XXYLT1: variants seen among roughly 807,000 people sequenced by gnomAD.
The protein encoded by XXYLT1 is xyloside xylosyltransferase 1.
XXYLT1 carries 20 observed loss-of-function variants against 28.9 expected under a neutral mutation model. The ratio of observed to expected loss-of-function variants is 0.69; its 90% CI spans 0.49 to 1.00. The LOEUF (loss-of-function observed/expected upper bound fraction) is 1.00, where lower values mean the gene tolerates loss of function less well. Among genes scored for constraint, XXYLT1 ranks in the 50% least tolerant of loss-of-function variants. The pLI is 0.00. For synonymous variants in XXYLT1, 257 were observed against 253.8 expected (o/e 1.01, Z -0.12); for missense variants, 542 against 560.1 (o/e 0.97, Z 0.33).
At chr3:195,093,870 C>G (rs1472431242) in intron 3 of XXYLT1, 1 of 152,262 alleles carries the variant, frequency 6.6e-6, no homozygotes, top group Non-Finnish European at 1.5e-5. Context: ...GGGTGCAGAA[C>G]TGCCCACTGG....
intron 1 of XXYLT1, among the ~76,000 whole-genome samples, chr3:195,264,105 C>T (rs1725770803): frequency 6.6e-6 from 1 of 152,176 alleles, no homozygotes; most frequent in Non-Finnish European, 1.5e-5. Flanking sequence ...GGGAGGCAAG[C>T]AGCTGCCAGA....
Position 195,249,705 on chromosome 3 carries a change from C to T in XXYLT1, c.504+20850G>A, listed in dbSNP as rs572402123. 3.3e-5 allele frequency among the ~76,000 whole-genome samples: 5 copies of T among 152,334 alleles called. No individual in the cohort carries two copies. In the South Asian group the frequency reaches 1.0e-3, roughly 32 times the overall value. Reference sequence around the variant, plus strand: ...CTCGCTTCACTTGTCCTATTTGACTCCTTCATTAAGGGGCACAGCTCCCAC... The same window carrying T: ...CTCGCTTCACTTGTCCTATTTGACTTCTTCATTAAGGGGCACAGCTCCCAC... On this transcript the variant is annotated intron_variant, in intron 1 of 3. Coordinates refer to ENST00000310380, the MANE Select transcript of XXYLT1 (RefSeq NM_152531.5).
chr3:195,126,246 C>T (rs1257067968), intron 3 of XXYLT1, among the ~76,000 whole-genome samples: 1 of 152,164 alleles, frequency 6.6e-6, no homozygotes, highest in Non-Finnish European at 1.5e-5. Context: ...GCTGCCAGAC[C>T]CAGGCCTGCG....
rs5855622 is a variant in XXYLT1, at chr3:195,150,170, C to CT, written c.785+6278_785+6279insA. ...GCCACCACCACCCAGGAGTGCTGCT[C>CT]GTGCTAGGCACCATAAATACATTAT... On this transcript the variant is annotated intron_variant, in intron 3 of 3. Coordinates refer to ENST00000310380, the MANE Select transcript of XXYLT1 (RefSeq NM_152531.5). This position sits in a 1 kb window ranked among gnomAD's most constrained non-coding sequence, Gnocchi z 4.7. 0.25 allele frequency among the ~76,000 whole-genome samples: 38,274 copies of CT among 152,070 alleles called. 5,618 individuals are homozygous for CT. The highest frequency in any genetic ancestry group is 0.57 in the East Asian group (2,925 of 5,166).
chr3:195,122,525 T>A (rs1462602470), intron 3 of XXYLT1, among the ~76,000 whole-genome samples: 2 of 151,970 alleles, frequency 1.3e-5, no homozygotes, highest in Non-Finnish European at 2.9e-5. Context: ...AGCTGAGAAG[T>A]CCAGCTGGAA....
chr3:195,217,996 C>T (rs796955742), intron 2 of XXYLT1, among the ~76,000 whole-genome samples: 2,666 of 137,654 alleles, frequency 0.019, 43 homozygotes, highest in African/African-American at 0.071. Context: ...ACAGAGCCCT[C>T]AGAAATAACG....
At chr3:195,242,362 A>G (rs1344370468) in intron 1 of XXYLT1, among the ~76,000 whole-genome samples, 2 of 152,150 alleles carry the variant, frequency 1.3e-5, no homozygotes, top group Non-Finnish European at 2.9e-5. Flanking sequence ...CCGGGCTACA[A>G]TCACTCTCTT....
At chr3:195,097,385 C>T (rs1477850976) in intron 3 of XXYLT1, among the ~76,000 whole-genome samples, 1 of 152,182 alleles carries the variant, frequency 6.6e-6, no homozygotes, top group Admixed American at 6.5e-5. Context: ...CGTATCAACA[C>T]GTATCTAGCA....
intron 1 of XXYLT1, among the ~76,000 whole-genome samples, chr3:195,251,953 G>T (rs962708929): frequency 6.6e-6 from 1 of 152,136 alleles, no homozygotes; most frequent in African/African-American, 2.4e-5. Context: ...ACAAAACAGG[G>T]GAACCACCCG....
chr3:195,191,566 G>A (rs188596835), intron 2 of XXYLT1, among the ~76,000 whole-genome samples: 1 of 152,226 alleles, frequency 6.6e-6, no homozygotes, highest in Admixed American at 6.5e-5. Flanking sequence ...AGTTATGGGG[G>A]GTTGGCACCC....
At chr3:195,259,413 C>G (rs943522949) in intron 1 of XXYLT1, among the ~76,000 whole-genome samples, 2 of 152,190 alleles carry the variant, frequency 1.3e-5, no homozygotes, top group Admixed American at 6.5e-5. Context: ...TTGTCTTCCA[C>G]AACCCACACG....
intron 2 of XXYLT1, among the ~76,000 whole-genome samples, chr3:195,201,930 G>A (rs1191200069): frequency 6.6e-6 from 1 of 152,172 alleles, no homozygotes; most frequent in African/African-American, 2.4e-5. Flanking sequence ...TGTAATCTCA[G>A]CACTTTGGGA....
At chr3:195,187,690 T>C (rs748988224) in intron 2 of XXYLT1, among the ~76,000 whole-genome samples, 12 of 152,186 alleles carry the variant, frequency 7.9e-5, no homozygotes, top group Non-Finnish European at 1.6e-4. Flanking sequence ...AGAGTCCCAG[T>C]TGATTGAAAC....
At chr3:195,205,629 G>A (rs533237620) in intron 2 of XXYLT1, among the ~76,000 whole-genome samples, 7 of 152,310 alleles carry the variant, frequency 4.6e-5, no homozygotes, top group South Asian at 4.1e-4. Flanking sequence ...GTGGGAGGCC[G>A]AGGCGGGTGA....
At position 195,076,984 on chromosome 3, in the gene XXYLT1, C is replaced by G. The variant is rs571806365; in HGVS notation, c.786-6873G>C. Among the ~76,000 whole-genome samples, 6 of 152,196 alleles carry G rather than the reference C, an allele frequency of 3.9e-5. No homozygotes were observed. The highest frequency in any genetic ancestry group is 7.3e-5 in the Non-Finnish European group (5 of 68,040). ...TTCTGCAGAGGAATTCTGAGGGACA[C>G]ACTTCAACCCACAGCACTCTCCAGC... On this transcript the variant is annotated intron_variant, in intron 3 of 3. Transcript: ENST00000310380. The surrounding 1 kb of genome is among the most constrained non-coding windows in gnomAD (Gnocchi z 5.3).
chr3:195,112,200 C>G (rs886733372), intron 3 of XXYLT1, among the ~76,000 whole-genome samples: 1 of 152,142 alleles, frequency 6.6e-6, no homozygotes, highest in Non-Finnish European at 1.5e-5. Context: ...GACATCTCAG[C>G]GACACCTGGG....
intron 2 of XXYLT1, among the ~76,000 whole-genome samples, chr3:195,215,960 A>G (rs1723554324): frequency 6.6e-6 from 1 of 152,032 alleles, no homozygotes; most frequent in Admixed American, 6.6e-5. Context: ...AACAGAAATT[A>G]TAACAAACTA....
intron 3 of XXYLT1, among the ~76,000 whole-genome samples, chr3:195,110,856 TAA>T (rs879805076): frequency 0.11 from 12,190 of 113,106 alleles, 823 homozygotes; most frequent in East Asian, 0.24. Flanking sequence ...GTGTGTTGTA[TAA>T]GTGTGTGTGT....
At chr3:195,142,488 G>A (rs970156442) in intron 3 of XXYLT1, among the ~76,000 whole-genome samples, 4 of 152,128 alleles carry the variant, frequency 2.6e-5, no homozygotes, top group Admixed American at 6.5e-5. Context: ...TATGAGAACC[G>A]TAAGCCTGCT....
Sources: allele counts gnomAD v4.1 joint callset (sites outside exome capture counted in the v4.1 genomes callset), GRCh38; gene constraint gnomAD v4.1.1; non-coding constraint Gnocchi (gnomAD v3.1); transcripts MANE v1.5; gene names NCBI Gene and HGNC (gene_info 2026-07-23, HGNC 2026-07-21).